The following MAIP1 variants were observed in gnomAD, a reference collection of about 807,000 sequenced individuals.
MAIP1 encodes m-AAA protease-interacting protein 1, mitochondrial.
In MAIP1, 28 loss-of-function variants were observed where a neutral mutation model predicts 31.2. That is an observed-to-expected ratio of 0.90 (90% confidence interval 0.67 to 1.23). MAIP1 has a LOEUF of 1.23. Among genes scored for constraint, MAIP1 ranks in the 50% most tolerant of loss-of-function variants. The probability of loss-of-function intolerance (pLI) is 0.00; values close to 1 mark genes in which losing one functional copy is unlikely to be tolerated. For missense variants in MAIP1, 339 were observed against 356.0 expected (o/e 0.95, Z 0.38); for synonymous variants, 142 against 142.3 (o/e 1.00, Z 0.02).
At chr2:199,959,152 GTTGT>G in intron 1 of MAIP1, 112 bp from the exon 2 acceptor site, 1 of 616,026 alleles carries the variant, frequency 1.6e-6, no homozygotes, top group South Asian at 2.1e-5. Context: ...AATATTTGAT[GTTGT>G]TTATCACTAT....
upstream of MAIP1, chr2:199,955,470 T>C (rs774166270): frequency 3.5e-5 from 56 of 1,613,558 alleles, no homozygotes; most frequent in Non-Finnish European, 4.2e-5. Context: ...TGCCCGGCCA[T>C]GGTTGCTCAC....
chr2:199,963,517 A>G (rs1265078815), intron 4 of MAIP1, among the ~76,000 whole-genome samples: 1 of 152,222 alleles, frequency 6.6e-6, no homozygotes, highest in Non-Finnish European at 1.5e-5. Flanking sequence ...TCCATTAAAA[A>G]TACTTACATT....
chr2:199,956,406 A>G (rs1404680930), intron 1 of MAIP1, among the ~76,000 whole-genome samples, 158 bp downstream of exon 1: 1 of 152,138 alleles, frequency 6.6e-6, no homozygotes, highest in Admixed American at 6.5e-5. Context: ...GACTTAAAGT[A>G]AGCTTCTGGG....
In MAIP1 at chr2:199,955,770, G is replaced by T. The variant is rs762497562; in HGVS notation, c.-29G>T. On this transcript the variant is annotated 5_prime_UTR_variant, in exon 1 of 5. Transcript: ENST00000392290. The stretch of plus-strand genomic sequence containing the variant: ...ACCGACTTCCTTTCCATACAGCACC[G>T]GCAGGCACCGGTGTGAAGGGTCATA... 2.7e-6 allele frequency: 4 copies of T among 1,508,718 alleles called. No homozygotes were observed. The highest frequency in any genetic ancestry group is 3.5e-6 in the Non-Finnish European group (4 of 1,129,802). The allele number at this position is 1,508,718 out of a possible 1,614,324, so 93.5% of individuals were successfully genotyped here.
At chr2:199,958,533 T>G (rs1020855790) in intron 1 of MAIP1, among the ~76,000 whole-genome samples, 4 of 152,154 alleles carry the variant, frequency 2.6e-5, no homozygotes, top group Admixed American at 2.0e-4. Flanking sequence ...CCCTCTCTGA[T>G]CCTCCCAGAT....
chr2:199,959,943 GA>G, intron 3 of MAIP1, 63 bp downstream of exon 3: 1 of 1,459,984 alleles, frequency 6.8e-7, no homozygotes, highest in South Asian at 1.3e-5. Flanking sequence ...TAAACTAGTG[GA>G]TAATCACAAA....
Position 199,955,816 on chromosome 2 carries a change from T to G in MAIP1, c.18T>G (p.Arg6=). 6.6e-7 allele frequency: 1 copy of G among 1,516,118 alleles called. No individual in the cohort carries two copies. The highest frequency in any genetic ancestry group is 1.3e-5 in the South Asian group (1 of 75,040). 93.9% of individuals were successfully genotyped at this position (1,516,118 alleles called of 1,614,324 possible). A position where few individuals can be genotyped will look rare whatever the true frequency, so the allele number is the denominator to read the frequency against. MALAA[R]LLPQFLHSRS... ...TCATAAAAATGGCGCTGGCCGCTCGTTTGCTACCCCAGTTCCTGCACTCTC... is the reference window on the plus strand; with the variant it reads ...TCATAAAAATGGCGCTGGCCGCTCGGTTGCTACCCCAGTTCCTGCACTCTC... Residue 6 remains arginine, a synonymous_variant, in exon 1 of 5, where the codon CGT becomes CGG. Transcript: ENST00000392290.
At chr2:199,956,687 A>G (rs1407585827) in intron 1 of MAIP1, among the ~76,000 whole-genome samples, 3 of 152,310 alleles carry the variant, frequency 2.0e-5, no homozygotes, top group South Asian at 2.1e-4. Flanking sequence ...ATAAATGGGT[A>G]AGATTGAAGA....
At chr2:199,956,616 A>C (rs2077606585) in intron 1 of MAIP1, among the ~76,000 whole-genome samples, 1 of 152,248 alleles carries the variant, frequency 6.6e-6, no homozygotes. Flanking sequence ...AAATTTACAA[A>C]GTGGGCAAGA....
intron 4 of MAIP1, among the ~76,000 whole-genome samples, chr2:199,962,691 A>G (rs1328556783): frequency 3.9e-5 from 6 of 152,222 alleles, no homozygotes; most frequent in Admixed American, 3.9e-4. Flanking sequence ...TAATTGGTAC[A>G]TGAACAATTT....
In MAIP1 at chr2:199,955,950, C is replaced by G. The variant is rs758551827; in HGVS notation, c.152C>G (p.Ala51Gly). ...TGCCGCTGTCGCCTCGGCTTGGGAGCGGCGTTATTTCCACGAAGCGCTAGG... is the reference window on the plus strand; with the variant it reads ...TGCCGCTGTCGCCTCGGCTTGGGAGGGGCGTTATTTCCACGAAGCGCTAGG... ...YFCRCRLGLG[A>G]ALFPRSARAL... Residue 51 changes from alanine to glycine, a missense_variant, in exon 1 of 5, where the codon GCG (alanine) becomes GGG (glycine). Physicochemically the swap from Ala to Gly is moderately conservative, Grantham distance 60. Transcript: ENST00000392290. 1 of 1,605,474 alleles carries G rather than the reference C, an allele frequency of 6.2e-7. No individual in the cohort carries two copies. Among genetic ancestry groups the G allele is most frequent in the Non-Finnish European group, 8.5e-7 (1 of 1,174,680 alleles).
chr2:199,959,760 C>T lies in MAIP1; in HGVS notation c.529C>T (p.His177Tyr). The change falls in exon 3 of 5, where the codon CAT (histidine) becomes TAT (tyrosine). Residue 177 changes from histidine to tyrosine, a missense_variant. Physicochemically the swap from His to Tyr is moderately conservative, Grantham distance 83 (BLOSUM62 2). Coordinates refer to ENST00000392290, the MANE Select transcript of MAIP1 (RefSeq NM_001394955.1). ...TTGCTTTTTTCAAACTTAGGTGCTA[C>T]ATGCATTGAAAGAAAAGGTTACTTC... is the stretch of plus-strand genomic sequence containing the variant. The part of the protein sequence containing the change: ...LEELVAKEVL[H>Y]ALKEKVTSLP... 2 of 1,611,528 alleles carry T rather than the reference C, an allele frequency of 1.2e-6. No individual in the cohort carries two copies. Among genetic ancestry groups the T allele is most frequent in the South Asian group, 1.1e-5 (1 of 90,826 alleles).
intron 4 of MAIP1, among the ~76,000 whole-genome samples, chr2:199,963,454 A>ACACATATAT (rs1430715452): frequency 1.3e-5 from 2 of 152,154 alleles, no homozygotes; most frequent in African/African-American, 4.8e-5. Flanking sequence ...TATTTATATA[A>ACACATATAT]CACATATATC....
intron 3 of MAIP1, among the ~76,000 whole-genome samples, chr2:199,960,513 T>C (rs1056295418): frequency 5.9e-5 from 9 of 152,106 alleles, no homozygotes; most frequent in African/African-American, 1.9e-4. Context: ...GGGTAAAAAA[T>C]ATTAAAAAAA....
chr2:199,959,167 T>A, intron 1 of MAIP1, 101 bp from the exon 2 acceptor site: 1 of 660,816 alleles, frequency 1.5e-6, no homozygotes, highest in Non-Finnish European at 2.8e-6. Flanking sequence ...TTATCACTAT[T>A]ACCATAAAAT....
intron 2 of MAIP1, 110 bp downstream of exon 2, chr2:199,959,449 A>T: frequency 1.4e-6 from 1 of 718,966 alleles, no homozygotes; most frequent in Non-Finnish European, 2.5e-6. Flanking sequence ...CCAGCATCCA[A>T]AGTAGAGTCT....
chr2:199,963,104 A>G (rs527872283), intron 4 of MAIP1, among the ~76,000 whole-genome samples: 1 of 152,058 alleles, frequency 6.6e-6, no homozygotes, highest in East Asian at 1.9e-4. Flanking sequence ...AAAATATTCT[A>G]TATATTTAAA....
At chr2:199,957,691 TA>T (rs767796784) in intron 1 of MAIP1, among the ~76,000 whole-genome samples, 1 of 152,222 alleles carries the variant, frequency 6.6e-6, no homozygotes, top group African/African-American at 2.4e-5. Context: ...TATATTTATA[TA>T]AAAAAAGTCA....
intron 1 of MAIP1, among the ~76,000 whole-genome samples, chr2:199,956,806 T>G (rs1413563129): frequency 6.6e-6 from 1 of 152,212 alleles, no homozygotes; most frequent in Non-Finnish European, 1.5e-5. Context: ...CCATACTCCG[T>G]AAAGATTAAA....
Sources: allele counts gnomAD v4.1 joint callset (sites outside exome capture counted in the v4.1 genomes callset), GRCh38; gene constraint gnomAD v4.1.1; transcripts MANE v1.5; gene names NCBI Gene and HGNC (gene_info 2026-07-23, HGNC 2026-07-21).